NCDN: variants seen among roughly 807,000 people sequenced by gnomAD.
NCDN encodes the protein norbin.
In NCDN, 9 loss-of-function variants were observed where a neutral mutation model predicts 60.7. The ratio of observed to expected loss-of-function variants is 0.15; its 90% CI spans 0.09 to 0.26. The LOEUF is 0.26. Ranked by LOEUF, NCDN falls within the 10% of genes least tolerant of loss-of-function variation. The pLI is 1.00. For synonymous variants in NCDN, 409 were observed against 442.5 expected (o/e 0.92, Z 0.95); for missense variants, 578 against 975.2 (o/e 0.59, Z 5.42).
Position 35,558,464 on chromosome 1 carries a change from G to A in NCDN, c.33+241G>A, listed in dbSNP as rs1648499910. ...GCTGCTGCTGCTGCAGCCTCTACCC[G>A]AGGGAGGGAAAGGAGAGGAGGCAAG... On this transcript the variant is annotated intron_variant, in intron 1 of 6. Transcript: ENST00000373243. This position sits in a 1 kb window ranked among gnomAD's most constrained non-coding sequence, Gnocchi z 6.3. 7.0e-6 allele frequency: 10 copies of A among 1,424,476 alleles called. No homozygotes were observed. The highest frequency in any genetic ancestry group is 9.1e-6 in the Non-Finnish European group (10 of 1,093,266). The allele number at this position is 1,424,476 out of a possible 1,614,324, so 88.2% of individuals were successfully genotyped here.
At position 35,561,022 on chromosome 1, in the gene NCDN, G is replaced by A. The variant is rs969318014; in HGVS notation, c.871G>A (p.Ala291Thr). ...GAAGCTGGCAGCCCGCCTGGCACACGCCTGCGGCTCCGACTGGATCCCGGC... is the reference window on the plus strand; with the variant it reads ...GAAGCTGGCAGCCCGCCTGGCACACACCTGCGGCTCCGACTGGATCCCGGC... The part of the protein sequence containing the change: ...ALKLAARLAH[A>T]CGSDWIPAGS... The change falls in exon 3 of 7, where the codon GCC becomes ACC. Residue 291 changes from alanine to threonine, a missense_variant. Physicochemically the swap from Ala to Thr is moderately conservative, Grantham distance 58. Transcript: ENST00000373243. This position sits in a 1 kb window ranked among gnomAD's most constrained non-coding sequence, Gnocchi z 4.9. 15 of 1,612,766 alleles carry A rather than the reference G, an allele frequency of 9.3e-6. No homozygotes were observed. Among genetic ancestry groups the A allele is most frequent in the Admixed American group, 1.7e-5 (1 of 59,962 alleles).
rs181198985 is a variant in NCDN at position 35,560,297 on chromosome 1, A to C, written c.175-29A>C. ...ACAGTCTTTCCCACTTCTTCCTTTC[A>C]TCCTGATGATAGCACATACCCCCTA... On this transcript the variant is annotated intron_variant, in intron 2 of 6. Coordinates refer to ENST00000373243, the MANE Select transcript of NCDN (RefSeq NM_014284.3). The surrounding 1 kb of genome is among the most constrained non-coding windows in gnomAD (Gnocchi z 7.6). 1.1e-4 allele frequency: 177 copies of C among 1,597,032 alleles called. No homozygotes were observed. The East Asian group carries it at 2.9e-3, about 26-fold the overall frequency.
Position 35,558,165 on chromosome 1 carries a change from A to G in NCDN, c.-26A>G. ...CCGCGCCATCGTGAAGTGTGATCTC[A>G]TCGCCGCCCTGTCGTGACTTCATCA... is the stretch of plus-strand genomic sequence containing the variant. On this transcript the variant is annotated 5_prime_UTR_variant, in exon 1 of 7. Coordinates refer to ENST00000373243, the MANE Select transcript of NCDN (RefSeq NM_014284.3). This position sits in a 1 kb window ranked among gnomAD's most constrained non-coding sequence, Gnocchi z 6.3. 6.2e-7 allele frequency: 1 copy of G among 1,613,286 alleles called. No individual in the cohort carries two copies. Among genetic ancestry groups the G allele is most frequent in the Non-Finnish European group, 8.5e-7 (1 of 1,179,810 alleles).
rs1348733863 is a variant in NCDN at position 35,562,800 on chromosome 1, G to A, written c.1385+167G>A. Among the ~76,000 whole-genome samples the A allele has an allele frequency of 2.0e-5, 3 of 152,164 alleles. No homozygotes were observed. Among genetic ancestry groups the A allele is most frequent in the South Asian group, 2.1e-4 (1 of 4,828 alleles). ...GGGGCTTGTTCCCACAGGACTCCTC[G>A]GCTGCCAGGTGTCACTTGCCAACCC... On this transcript the variant is annotated intron_variant, in intron 4 of 6. Transcript: ENST00000373243. The surrounding 1 kb of genome is among the most constrained non-coding windows in gnomAD (Gnocchi z 6.8).
Position 35,563,205 on chromosome 1 carries a change from C to G in NCDN, c.1389C>G (p.Leu463=). 1.2e-6 allele frequency: 2 copies of G among 1,612,398 alleles called. No homozygotes were observed. Among genetic ancestry groups the G allele is most frequent in the Non-Finnish European group, 1.7e-6 (2 of 1,178,658 alleles). ...TCTGTCCCTTCCACATCCCCAGGCT[C>G]CTCCTGCCTGGCTGGTGCCACCTGA... ...GPTWPGDALR[L]LLPGWCHLTV... is the part of the protein sequence containing the mutation. Residue 463 remains leucine, a synonymous_variant, in exon 5 of 7, where the codon CTC becomes CTG. Transcript: ENST00000373243. This position sits in a 1 kb window ranked among gnomAD's most constrained non-coding sequence, Gnocchi z 6.6.
Position 35,563,682 on chromosome 1 carries a change from C to G in NCDN, c.1611-85C>G. 1.3e-6 allele frequency: 2 copies of G among 1,521,204 alleles called. No homozygotes were observed. The highest frequency in any genetic ancestry group is 2.5e-5 in the South Asian group (2 of 81,404). The allele number at this position is 1,521,204 out of a possible 1,614,324, so 94.2% of individuals were successfully genotyped here. Reference sequence around the variant, plus strand: ...ATGTTTGGGGCCCAAAGTTAATCACCCTACTGCCTAATTTCTTGCCAAGGG... The same window carrying G: ...ATGTTTGGGGCCCAAAGTTAATCACGCTACTGCCTAATTTCTTGCCAAGGG... On this transcript the variant is annotated intron_variant, in intron 5 of 6. Transcript: ENST00000373243. This position sits in a 1 kb window ranked among gnomAD's most constrained non-coding sequence, Gnocchi z 6.6.
chr1:35,559,765 G>A (rs1291208111), intron 2 of NCDN, among the ~76,000 whole-genome samples: 1 of 151,760 alleles, frequency 6.6e-6, no homozygotes, highest in Non-Finnish European at 1.5e-5. Flanking sequence ...GGGGGTGAAG[G>A]GAGGAGGGAG....
chr1:35,565,372 G>T lies in NCDN; in HGVS notation c.1899G>T (p.Leu633=). The T allele has an allele frequency of 6.2e-7, 1 of 1,613,382 alleles. No homozygotes were observed. The highest frequency in any genetic ancestry group is 8.5e-7 in the Non-Finnish European group (1 of 1,179,474). The change falls in exon 7 of 7, where the codon CTG becomes CTT. Residue 633 remains leucine, a synonymous_variant. Coordinates refer to ENST00000373243, the MANE Select transcript of NCDN (RefSeq NM_014284.3). This position sits in a 1 kb window ranked among gnomAD's most constrained non-coding sequence, Gnocchi z 8.9. ...AGTATGAGGGCATCTGGGCCGACCT[G>T]CAGGAGCTCTGGTTCCTGGGCATGC... ...SPEYEGIWAD[L]QELWFLGMQA... is the part of the protein sequence containing the mutation.
At chr1:35,559,045 A>AC in intron 1 of NCDN, 62 bp from the exon 2 acceptor site, 9 of 846,330 alleles carry the variant, frequency 1.1e-5, no homozygotes, top group Non-Finnish European at 1.4e-5. Flanking sequence ...CTCCACTCTC[A>AC]CCCCCACCCC....
chr1:35,562,591 C>A lies in NCDN; in HGVS notation c.1343C>A (p.Ser448Tyr). ...CAGCAGGTGGCCAACCTGGCCATCT[C>A]CCCCACCACCCCAGGGCCCACCTGG... ...LSQQVANLAI[S>Y]PTTPGPTWPG... The change falls in exon 4 of 7, where the codon TCC (serine) becomes TAC (tyrosine). Residue 448 changes from serine to tyrosine, a missense_variant. Ser to Tyr is a moderately radical substitution (Grantham distance 144). Transcript: ENST00000373243. This position sits in a 1 kb window ranked among gnomAD's most constrained non-coding sequence, Gnocchi z 6.8. The A allele has an allele frequency of 6.2e-7, 1 of 1,613,882 alleles. No homozygotes were observed. The highest frequency in any genetic ancestry group is 1.7e-5 in the Admixed American group (1 of 59,996).
Position 35,562,682 on chromosome 1 carries a change from C to G in NCDN, c.1385+49C>G, listed in dbSNP as rs1306964169. The G allele has an allele frequency of 1.3e-6, 2 of 1,565,802 alleles. No homozygotes were observed. Among genetic ancestry groups the G allele is most frequent in the East Asian group, 4.6e-5 (2 of 43,846 alleles). On this transcript the variant is annotated intron_variant, in intron 4 of 6. Transcript: ENST00000373243. The surrounding 1 kb of genome is among the most constrained non-coding windows in gnomAD (Gnocchi z 6.8). ...CCAGCTAGATCATTCTACCGAAAAG[C>G]GTTAACACAAGGACACCCCTCCCCA... is the stretch of plus-strand genomic sequence containing the variant.
At position 35,560,256 on chromosome 1, in the gene NCDN, A is replaced by C; in HGVS notation, c.175-70A>C. The C allele has an allele frequency of 6.5e-7, 1 of 1,542,478 alleles. No individual in the cohort carries two copies. The highest frequency in any genetic ancestry group is 8.8e-7 in the Non-Finnish European group (1 of 1,142,370). On this transcript the variant is annotated intron_variant, in intron 2 of 6. Transcript: ENST00000373243. This position sits in a 1 kb window ranked among gnomAD's most constrained non-coding sequence, Gnocchi z 7.6. ...TCATCTTGCTAGTCCTCAGTGCCCC[A>C]GGATGCAGGAGAGGGACAGTCTTTC...
chr1:35,558,688 A>G lies in NCDN; in HGVS notation c.34-419A>G. On this transcript the variant is annotated intron_variant, in intron 1 of 6. Coordinates refer to ENST00000373243, the MANE Select transcript of NCDN (RefSeq NM_014284.3). This position sits in a 1 kb window ranked among gnomAD's most constrained non-coding sequence, Gnocchi z 6.3. ...CCGGATAATCGAACTTCACCCATGTATGTCTCCATTTCTCCCTGTCTGTCC... is the reference window on the plus strand; with the variant it reads ...CCGGATAATCGAACTTCACCCATGTGTGTCTCCATTTCTCCCTGTCTGTCC... 8.8e-7 allele frequency: 1 copy of G among 1,131,686 alleles called. No individual in the cohort carries two copies. Among genetic ancestry groups the G allele is most frequent in the Non-Finnish European group, 1.1e-6 (1 of 918,902 alleles). 70.1% of individuals were successfully genotyped at this position (1,131,686 alleles called of 1,614,324 possible). A position where few individuals can be genotyped will look rare whatever the true frequency, so the allele number is the denominator to read the frequency against.
Position 35,565,697 on chromosome 1 carries a change from C to A in NCDN, c.*34C>A. On this transcript the variant is annotated 3_prime_UTR_variant, in exon 7 of 7. Transcript: ENST00000373243. The surrounding 1 kb of genome is among the most constrained non-coding windows in gnomAD (Gnocchi z 8.9). ...CACCGGGGACAGACCCAGGGGCGGGCAGAGAGGGAAGGAGGGAGGAGGCAT... is the reference window on the plus strand; with the variant it reads ...CACCGGGGACAGACCCAGGGGCGGGAAGAGAGGGAAGGAGGGAGGAGGCAT... The A allele has an allele frequency of 6.6e-7, 1 of 1,513,536 alleles. No individual in the cohort carries two copies. The highest frequency in any genetic ancestry group is 8.8e-7 in the Non-Finnish European group (1 of 1,132,656). The allele number at this position is 1,513,536 out of a possible 1,614,324, so 93.8% of individuals were successfully genotyped here.
At position 35,563,513 on chromosome 1, in the gene NCDN, C is replaced by T. The variant is rs554610705; in HGVS notation, c.1610+87C>T. On this transcript the variant is annotated intron_variant, in intron 5 of 6. Coordinates refer to ENST00000373243, the MANE Select transcript of NCDN (RefSeq NM_014284.3). This position sits in a 1 kb window ranked among gnomAD's most constrained non-coding sequence, Gnocchi z 6.6. ...CCTCAATTCTCAGTCTCCTACTTTGCCCCCCATGCCCATGGATTTGTTAGT... is the reference window on the plus strand; with the variant it reads ...CCTCAATTCTCAGTCTCCTACTTTGTCCCCCATGCCCATGGATTTGTTAGT... 1.4e-5 allele frequency: 20 copies of T among 1,404,568 alleles called. No homozygotes were observed. The African/African-American group carries it at 2.5e-4, about 18-fold the overall frequency. 87.0% of individuals were successfully genotyped at this position (1,404,568 alleles called of 1,614,324 possible). A position where few individuals can be genotyped will look rare whatever the true frequency, so the allele number is the denominator to read the frequency against.
At chr1:35,559,622 C>A (rs1308087432) in intron 2 of NCDN, among the ~76,000 whole-genome samples, 1 of 151,834 alleles carries the variant, frequency 6.6e-6, no homozygotes, top group Admixed American at 6.6e-5. Context: ...GGGAGGGGTC[C>A]TAGGGGAAGG....
chr1:35,560,192 C>A lies in NCDN; in HGVS notation c.175-134C>A. The A allele has an allele frequency of 8.3e-7, 1 of 1,207,232 alleles. No individual in the cohort carries two copies. Among genetic ancestry groups the A allele is most frequent in the Non-Finnish European group, 1.2e-6 (1 of 864,896 alleles). The allele number at this position is 1,207,232 out of a possible 1,614,324, so 74.8% of individuals were successfully genotyped here. A position where few individuals can be genotyped will look rare whatever the true frequency, so the allele number is the denominator to read the frequency against. On this transcript the variant is annotated intron_variant, in intron 2 of 6. Transcript: ENST00000373243. This position sits in a 1 kb window ranked among gnomAD's most constrained non-coding sequence, Gnocchi z 7.6. ...TCTGCCTCTAAGGAGAAAAAAGGAG[C>A]TGGATGAAATGACCTCAGATGAGTC...
At position 35,558,547 on chromosome 1, in the gene NCDN, TC is replaced by T. The variant is rs1308778410; in HGVS notation, c.33+326del. ...GAGGGGTGGGGTCCCCAAAGGGGCC[TC>T]CAAGCCTTCCCTGTTGAGCGTCTTG... On this transcript the variant is annotated intron_variant, in intron 1 of 6. Coordinates refer to ENST00000373243, the MANE Select transcript of NCDN (RefSeq NM_014284.3). This position sits in a 1 kb window ranked among gnomAD's most constrained non-coding sequence, Gnocchi z 6.3. 2.3e-6 allele frequency: 3 copies of T among 1,323,078 alleles called. No individual in the cohort carries two copies. Among genetic ancestry groups the T allele is most frequent in the Non-Finnish European group, 2.9e-6 (3 of 1,034,678 alleles). The allele number at this position is 1,323,078 out of a possible 1,614,324, so 82.0% of individuals were successfully genotyped here. A position where few individuals can be genotyped will look rare whatever the true frequency, so the allele number is the denominator to read the frequency against.
rs752994640 is a variant in NCDN at position 35,562,392 on chromosome 1, G to A, written c.1144G>A (p.Val382Met). The change falls in exon 4 of 7, where the codon GTG becomes ATG. Residue 382 changes from valine to methionine, a missense_variant and splice_region_variant. Val to Met is a conservative substitution (Grantham distance 21, BLOSUM62 1). Around this residue, in one of 3 missense-constraint regions of NCDN, gnomAD observed 363 missense variants for 583.6 expected, o/e 0.62. Coordinates refer to ENST00000373243, the MANE Select transcript of NCDN (RefSeq NM_014284.3). The surrounding 1 kb of genome is among the most constrained non-coding windows in gnomAD (Gnocchi z 6.8). ...TCTCAAGGGGGTCCTGTGGCAACAGGTGGGGTCAGAGAAGCAGAAGGAGCC... is the reference window on the plus strand; with the variant it reads ...TCTCAAGGGGGTCCTGTGGCAACAGATGGGGTCAGAGAAGCAGAAGGAGCC... ...IGAVIHYLLQ[V>M]GSEKQKEPFV... 1 of 1,613,794 alleles carries A rather than the reference G, an allele frequency of 6.2e-7. No homozygotes were observed. Among genetic ancestry groups the A allele is most frequent in the Non-Finnish European group, 8.5e-7 (1 of 1,179,818 alleles).
Sources: allele counts gnomAD v4.1 joint callset (sites outside exome capture counted in the v4.1 genomes callset), GRCh38; gene constraint gnomAD v4.1.1; regional missense constraint gnomAD v4.1.1; non-coding constraint Gnocchi (gnomAD v3.1); transcripts MANE v1.5; gene names NCBI Gene and HGNC (gene_info 2026-07-23, HGNC 2026-07-21).